AHI1: variants seen among roughly 807,000 people sequenced by gnomAD.
The protein encoded by AHI1 is Abelson helper integration site 1.
In AHI1, 123 loss-of-function variants were observed where a neutral mutation model predicts 149.3. The observed-to-expected ratio is 0.82, with a 90% CI of 0.71 to 0.96. The LOEUF (loss-of-function observed/expected upper bound fraction) is 0.96, where lower values mean the gene tolerates loss of function less well. Among genes scored for constraint, AHI1 ranks in the 40% least tolerant of loss-of-function variants. The pLI is 0.00. For missense variants in AHI1, 1,439 were observed against 1,422.7 expected, an observed-to-expected ratio of 1.01 and a Z score of -0.18; for synonymous variants, 475 against 459.8, an observed-to-expected ratio of 1.03 and a Z score of -0.42.
intron 22 of AHI1, among the ~76,000 whole-genome samples, chr6:135,395,566 A>C (rs1159860579): frequency 6.6e-6 from 1 of 151,980 alleles, no homozygotes; most frequent in Non-Finnish European, 1.5e-5. Context: ...CAACATTTTA[A>C]CTATAGCTCT....
Position 135,455,809 on chromosome 6 carries a change from T to C in AHI1, c.1269A>G (p.Gln423=), listed in dbSNP as rs1788846885. 1 of 1,601,682 alleles carries C rather than the reference T, an allele frequency of 6.2e-7. No individual in the cohort carries two copies. ...AGGGAAAATTTTCATTAAATACAAT[T>C]TGTTCTTCCCACTCTGGAAGTCTTG... ...LKSRLPEWEE[Q]IVFNENFPYL... The change falls in exon 10 of 29, where the codon CAA becomes CAG. Residue 423 remains glutamine, a synonymous_variant. Coordinates refer to ENST00000265602, the MANE Select transcript of AHI1 (RefSeq NM_001134831.2).
At chr6:135,291,027 T>G (rs549890715) in intron 27 of AHI1, among the ~76,000 whole-genome samples, 1 of 152,080 alleles carries the variant, frequency 6.6e-6, no homozygotes, top group African/African-American at 2.4e-5. Flanking sequence ...ATCTGTGGAA[T>G]GAACAATGTA....
At position 135,438,384 on chromosome 6, in the gene AHI1, C is replaced by A; in HGVS notation, c.2027G>T (p.Gly676Val). Residue 676 changes from glycine (G) to valine (V), a missense_variant, in exon 15 of 29, where the codon GGC becomes GTC. Coordinates refer to ENST00000265602, the MANE Select transcript of AHI1 (RefSeq NM_001134831.2). ...TCTCAAGGATACTAACCTGGCAGTG[C>A]CATCAGATGATGAAGTAAGGATGTA... is the stretch of plus-strand genomic sequence containing the variant. The part of the protein sequence containing the change: ...DHYILTSSSD[G>V]TARIWKNEIN... The A allele has an allele frequency of 1.3e-6, 2 of 1,579,526 alleles. No individual in the cohort carries two copies. The highest frequency in any genetic ancestry group is 1.7e-6 in the Non-Finnish European group (2 of 1,160,766).
intron 24 of AHI1, among the ~76,000 whole-genome samples, chr6:135,331,186 T>A (rs758470811): frequency 2.0e-5 from 3 of 152,110 alleles, no homozygotes; most frequent in Non-Finnish European, 4.4e-5. Context: ...GCTGACAGAG[T>A]AATTAAGAAA....
intron 18 of AHI1, among the ~76,000 whole-genome samples, chr6:135,429,631 C>T (rs1341975456): frequency 6.6e-6 from 1 of 151,256 alleles, no homozygotes; most frequent in Non-Finnish European, 1.5e-5. Flanking sequence ...GAACTACTCA[C>T]ATTTTGGGCT....
intron 24 of AHI1, among the ~76,000 whole-genome samples, chr6:135,335,056 G>A (rs1255494074): frequency 6.6e-6 from 1 of 152,156 alleles, no homozygotes; most frequent in Non-Finnish European, 1.5e-5. Flanking sequence ...AACTGAATGG[G>A]TAAGAAAGAT....
intron 5 of AHI1, among the ~76,000 whole-genome samples, chr6:135,487,991 G>A (rs1794719828): frequency 6.6e-6 from 1 of 151,824 alleles, no homozygotes; most frequent in South Asian, 2.1e-4. Context: ...TGACAACTTA[G>A]GTGACCAGAT....
At chr6:135,477,523 T>C (rs1293224509) in intron 5 of AHI1, among the ~76,000 whole-genome samples, 2 of 152,214 alleles carry the variant, frequency 1.3e-5, no homozygotes, top group Non-Finnish European at 2.9e-5. Flanking sequence ...TCATGTTGAA[T>C]TGTAATTTCC....
chr6:135,355,211 C>A (rs1339944045), intron 24 of AHI1, among the ~76,000 whole-genome samples: 6 of 151,476 alleles, frequency 4.0e-5, no homozygotes, highest in African/African-American at 1.2e-4. Context: ...GCTCAGCATG[C>A]CAAAAAAATT....
At chr6:135,301,509 A>G (rs1783878967) in intron 26 of AHI1, 2 of 985,324 alleles carry the variant, frequency 2.0e-6, no homozygotes, top group Non-Finnish European at 2.4e-6. Flanking sequence ...AGATTTCTGC[A>G]AGATCATTCT....
intron 20 of AHI1, among the ~76,000 whole-genome samples, chr6:135,412,160 TA>T (rs1169067206): frequency 6.6e-6 from 1 of 152,014 alleles, no homozygotes; most frequent in Non-Finnish European, 1.5e-5. Context: ...CAACTATGGA[TA>T]AAAAATATTC....
chr6:135,443,156 C>T (rs1435707634), intron 13 of AHI1, among the ~76,000 whole-genome samples: 3 of 152,162 alleles, frequency 2.0e-5, no homozygotes, highest in East Asian at 3.8e-4. Flanking sequence ...CTTATTCTCT[C>T]TTTGCCTATC....
intron 8 of AHI1, among the ~76,000 whole-genome samples, chr6:135,462,132 T>C (rs1013570202): frequency 6.6e-6 from 1 of 152,050 alleles, no homozygotes; most frequent in Non-Finnish European, 1.5e-5. Flanking sequence ...ATACACATTA[T>C]GCTTCAACAA....
At chr6:135,467,172 T>G (rs1357262653) in intron 6 of AHI1, among the ~76,000 whole-genome samples, 3 of 151,960 alleles carry the variant, frequency 2.0e-5, no homozygotes, top group African/African-American at 7.3e-5. Context: ...TCCCATAAAC[T>G]GCAGAGGCAG....
In AHI1 at chr6:135,383,226, C is replaced by CTTTTTTTTTTTTTTTTTTTTTTTTTT. The variant is rs764546253; in HGVS notation, c.3109+11549_3109+11550insAAAAAAAAAAAAAAAAAAAAAAAAAA. Reference sequence around the variant, plus strand: ...GATTGATTCCTTCCTTCCCCCCTCCCTTTTTTTTTTTTTTTTTTTTTGAGA... The same window carrying CTTTTTTTTTTTTTTTTTTTTTTTTTT: ...GATTGATTCCTTCCTTCCCCCCTCCCTTTTTTTTTTTTTTTTTTTTTTTTTTTTTTTTTTTTTTTTTTTTTTTGAGA... On this transcript the variant is annotated intron_variant, in intron 23 of 28. Coordinates refer to ENST00000265602, the MANE Select transcript of AHI1 (RefSeq NM_001134831.2). Among the ~76,000 whole-genome samples the CTTTTTTTTTTTTTTTTTTTTTTTTTT allele has an allele frequency of 5.2e-5, 4 of 76,870 alleles. 1 individual carries two copies. The highest frequency in any genetic ancestry group is 2.0e-4 in the African/African-American group (3 of 15,030). The allele number at this position is 76,870 out of a possible 152,430, so 50.4% of individuals were successfully genotyped here. A position where few individuals can be genotyped will look rare whatever the true frequency, so the allele number is the denominator to read the frequency against.
chr6:135,354,868 C>G (rs73559937), intron 24 of AHI1, among the ~76,000 whole-genome samples: 8 of 152,252 alleles, frequency 5.3e-5, no homozygotes, highest in African/African-American at 1.7e-4. Context: ...ACCATCAAAT[C>G]TGACCTAGGA....
chr6:135,423,928 C>T (rs767532892), intron 20 of AHI1, among the ~76,000 whole-genome samples: 1 of 151,782 alleles, frequency 6.6e-6, no homozygotes, highest in Non-Finnish European at 1.5e-5. Context: ...ACTCCACTGA[C>T]TTGACTCCAC....
chr6:135,359,554 T>G (rs554209924), intron 23 of AHI1, among the ~76,000 whole-genome samples: 33 of 152,274 alleles, frequency 2.2e-4, no homozygotes, highest in Middle Eastern at 3.4e-3. Flanking sequence ...ATTGTAAGAT[T>G]TTAACAATAT....
intron 26 of AHI1, among the ~76,000 whole-genome samples, chr6:135,310,707 A>G (rs1387664516): frequency 1.3e-5 from 2 of 152,216 alleles, no homozygotes; most frequent in Non-Finnish European, 2.9e-5. Flanking sequence ...GTGAATTTTT[A>G]GAGAAGAATA....
Sources: allele counts gnomAD v4.1 joint callset (sites outside exome capture counted in the v4.1 genomes callset), GRCh38; gene constraint gnomAD v4.1.1; transcripts MANE v1.5; gene names NCBI Gene and HGNC (gene_info 2026-07-23, HGNC 2026-07-21).